GUCY2C: variants seen among roughly 807,000 people sequenced by gnomAD.
GUCY2C encodes guanylyl cyclase C.
A neutral mutation model predicts 131.1 loss-of-function variants in GUCY2C; 118 were observed. The observed-to-expected ratio is 0.90, with a 90% CI of 0.78 to 1.05. GUCY2C has a LOEUF of 1.05. Ranked by LOEUF, GUCY2C falls within the 50% of genes least tolerant of loss-of-function variation. The probability of loss-of-function intolerance (pLI) is 0.00; values close to 1 mark genes in which losing one functional copy is unlikely to be tolerated. For missense variants in GUCY2C, 1,161 were observed against 1,304.4 expected (o/e 0.89, Z 1.69); for synonymous variants, 452 against 457.8 (o/e 0.99, Z 0.16).
intron 12 of GUCY2C, among the ~76,000 whole-genome samples, chr12:14,655,134 C>T (rs1430231804): frequency 2.0e-5 from 3 of 152,156 alleles, no homozygotes. Context: ...CTTTCTGAAC[C>T]TCTTTTGGTT....
chr12:14,688,037 A>T lies in GUCY2C; in HGVS notation c.244T>A (p.Phe82Ile). Residue 82 changes from phenylalanine to isoleucine, a missense_variant, in exon 2 of 27, where the codon TTC (phenylalanine) becomes ATC (isoleucine). Coordinates refer to ENST00000261170, the MANE Select transcript of GUCY2C (RefSeq NM_004963.4). ...TGAATCAGACCATCCGAATACATGA[A>T]AGTAGCGTTCACAGTCACATTTAGG... ...AGLNVTVNAT[F>I]MYSDGLIHNS... 6.2e-7 allele frequency: 1 copy of T among 1,613,504 alleles called. No individual in the cohort carries two copies. The highest frequency in any genetic ancestry group is 8.5e-7 in the Non-Finnish European group (1 of 1,179,408).
At chr12:14,695,600 C>CAAAAAAAA (rs557450619) in intron 1 of GUCY2C, among the ~76,000 whole-genome samples, 1 of 58,624 alleles carries the variant, frequency 1.7e-5, no homozygotes, top group African/African-American at 5.7e-5. Context: ...GACTCCATCT[C>CAAAAAAAA]AAAAAAAAAA....
chr12:14,622,168 C>A lies in GUCY2C; in HGVS notation c.2438G>T (p.Gly813Val). The change falls in exon 22 of 27, where the codon GGC becomes GTC. Residue 813 changes from glycine to valine, a missense_variant. Coordinates refer to ENST00000261170, the MANE Select transcript of GUCY2C (RefSeq NM_004963.4). ...RLVVKSLKEKGFVEPELYEEV... is the reference protein window; with the variant it reads ...RLVVKSLKEKVFVEPELYEEV... ...CTCATATAGTTCCGGCTCCACAAAG[C>A]CTTTCTCCTTCAGAGACTTTACCAC... The A allele has an allele frequency of 6.3e-7, 1 of 1,575,270 alleles. No individual in the cohort carries two copies. The highest frequency in any genetic ancestry group is 1.2e-5 in the South Asian group (1 of 84,096).
chr12:14,647,416 A>G (rs1201250494), intron 15 of GUCY2C, among the ~76,000 whole-genome samples: 1 of 152,188 alleles, frequency 6.6e-6, no homozygotes, highest in East Asian at 1.9e-4. Context: ...AGAAGAATTT[A>G]TACATTTTCA....
At chr12:14,635,102 G>A (rs1057208228) in intron 19 of GUCY2C, among the ~76,000 whole-genome samples, 8 of 152,096 alleles carry the variant, frequency 5.3e-5, no homozygotes, top group Non-Finnish European at 1.0e-4. Context: ...TAAACTGCAC[G>A]TTAGAACAAG....
chr12:14,652,384 G>A (rs941552849), intron 13 of GUCY2C, among the ~76,000 whole-genome samples: 16 of 151,974 alleles, frequency 1.1e-4, no homozygotes, highest in African/African-American at 3.9e-4. Context: ...CATGTTGGCC[G>A]GCCTGGTCTC....
At chr12:14,661,603 T>A (rs1461699124) in intron 10 of GUCY2C, among the ~76,000 whole-genome samples, 1 of 151,984 alleles carries the variant, frequency 6.6e-6, no homozygotes, top group Admixed American at 6.6e-5. Flanking sequence ...CATGCCCGGA[T>A]AATTTTTGTA....
chr12:14,637,621 A>G (rs528161969), intron 19 of GUCY2C, among the ~76,000 whole-genome samples: 3 of 152,342 alleles, frequency 2.0e-5, no homozygotes, highest in African/African-American at 7.2e-5. Flanking sequence ...TAGAGAACCC[A>G]GAAATAAATC....
Position 14,686,123 on chromosome 12 carries a change from A to G in GUCY2C, c.395+38T>C, listed in dbSNP as rs549015831. ...TTTGATGAGTCCTTTAAGTTGCAATATCATGTCCTGACTTCAGTTCACAGT... is the reference window on the plus strand; with the variant it reads ...TTTGATGAGTCCTTTAAGTTGCAATGTCATGTCCTGACTTCAGTTCACAGT... On this transcript the variant is annotated intron_variant, in intron 3 of 26. Coordinates refer to ENST00000261170, the MANE Select transcript of GUCY2C (RefSeq NM_004963.4). The G allele has an allele frequency of 1.8e-5, 23 of 1,260,774 alleles. No homozygotes were observed. The South Asian group carries it at 2.0e-4, about 11-fold the overall frequency. The allele number at this position is 1,260,774 out of a possible 1,614,324, so 78.1% of individuals were successfully genotyped here.
At chr12:14,675,977 G>A (rs562481471) in intron 7 of GUCY2C, among the ~76,000 whole-genome samples, 7 of 152,302 alleles carry the variant, frequency 4.6e-5, no homozygotes, top group Admixed American at 1.3e-4. Flanking sequence ...TGGCACGGTC[G>A]TAAATGAGAG....
intron 1 of GUCY2C, among the ~76,000 whole-genome samples, chr12:14,690,819 G>A (rs1948562039): frequency 6.6e-6 from 1 of 152,178 alleles, no homozygotes; most frequent in Non-Finnish European, 1.5e-5. Context: ...GGGATTACAG[G>A]CGTGAGCCAC....
intron 12 of GUCY2C, among the ~76,000 whole-genome samples, chr12:14,654,050 G>T (rs1456521609): frequency 1.3e-5 from 2 of 152,062 alleles, no homozygotes; most frequent in Admixed American, 6.5e-5. Context: ...AAATAGCTGG[G>T]GGTTAAATGA....
chr12:14,633,757 CA>C (rs1426649314), intron 19 of GUCY2C, among the ~76,000 whole-genome samples: 2 of 151,522 alleles, frequency 1.3e-5, no homozygotes, highest in African/African-American at 4.8e-5. Context: ...AGAAGTCATT[CA>C]ATAAAACACA....
Position 14,641,151 on chromosome 12 carries a change from C to T in GUCY2C, c.1999G>A (p.Gly667Arg). The T allele has an allele frequency of 6.2e-7, 1 of 1,613,724 alleles. No individual in the cohort carries two copies. The highest frequency in any genetic ancestry group is 8.5e-7 in the Non-Finnish European group (1 of 1,179,796). Residue 667 changes from glycine (G) to arginine (R), a missense_variant, in exon 18 of 27, where the codon GGG becomes AGG. Physicochemically the swap from Gly to Arg is moderately radical, Grantham distance 125. Transcript: ENST00000261170. ...AGGATGATCTCCTGTGCGATGATCC[C>T]ATAGCTGTACACATCTCCTTTCTGA... The part of the protein sequence containing the change: ...ISQKGDVYSY[G>R]IIAQEIILRK...
chr12:14,613,138 G>A lies in GUCY2C; in HGVS notation c.3201C>T (p.Asp1067=). 5.6e-6 allele frequency: 9 copies of A among 1,613,364 alleles called. No homozygotes were observed. Among genetic ancestry groups the A allele is most frequent in the Non-Finnish European group, 6.8e-6 (8 of 1,179,464 alleles). Residue 1067 remains aspartate, a synonymous_variant, in exon 27 of 27, where the codon GAC becomes GAT. Transcript: ENST00000261170. This position sits in a 1 kb window ranked among gnomAD's most constrained non-coding sequence, Gnocchi z 4.9. ...AGGTTTAAAAATAGGTGCTCTCCTTGTCTGTGGTATTCAGCTGCAAGTATT... is the reference window on the plus strand; with the variant it reads ...AGGTTTAAAAATAGGTGCTCTCCTTATCTGTGGTATTCAGCTGCAAGTATT... The part of the protein sequence containing the change: ...TLEYLQLNTT[D]KESTYF
At chr12:14,627,716 G>A (rs1394981907) in intron 20 of GUCY2C, among the ~76,000 whole-genome samples, 1 of 151,996 alleles carries the variant, frequency 6.6e-6, no homozygotes, top group Non-Finnish European at 1.5e-5. Context: ...GTTTCTTCAT[G>A]AGCATACATT....
chr12:14,639,624 G>A (rs1207651270), intron 19 of GUCY2C, among the ~76,000 whole-genome samples: 1 of 152,198 alleles, frequency 6.6e-6, no homozygotes, highest in Non-Finnish European at 1.5e-5. Context: ...AAGAGGCAGA[G>A]ATTGAATTGT....
chr12:14,675,057 A>C (rs1948199157), intron 7 of GUCY2C, among the ~76,000 whole-genome samples: 1 of 151,878 alleles, frequency 6.6e-6, no homozygotes, highest in South Asian at 2.1e-4. Context: ...AAAAATACAA[A>C]AAAATTAGCC....
intron 4 of GUCY2C, among the ~76,000 whole-genome samples, chr12:14,682,324 G>A (rs1411601329): frequency 1.3e-5 from 2 of 152,038 alleles, no homozygotes; most frequent in Non-Finnish European, 2.9e-5. Context: ...TCATGATAGT[G>A]AGTAAGTTCT....
Sources: allele counts gnomAD v4.1 joint callset (sites outside exome capture counted in the v4.1 genomes callset), GRCh38; gene constraint gnomAD v4.1.1; non-coding constraint Gnocchi (gnomAD v3.1); transcripts MANE v1.5; gene names NCBI Gene and HGNC (gene_info 2026-07-23, HGNC 2026-07-21).